Variants in NCOA2 observed in about 807,000 individuals in gnomAD.
NCOA2 encodes nuclear receptor coactivator 2.
In NCOA2, 21 loss-of-function variants were observed where a neutral mutation model predicts 145.1. The ratio of observed to expected loss-of-function variants is 0.14; its 90% CI spans 0.10 to 0.21. The LOEUF (loss-of-function observed/expected upper bound fraction) is 0.21. Ranked by LOEUF, NCOA2 falls within the 10% of genes least tolerant of loss-of-function variation. The pLI, the probability that NCOA2 is intolerant of heterozygous loss-of-function variation, is 1.00. For synonymous variants in NCOA2, 619 were observed against 637.5 expected, an observed-to-expected ratio of 0.97 and a Z score of 0.44; for missense variants, 1,472 against 1,837.6, an observed-to-expected ratio of 0.80 and a Z score of 3.64.
intron 1 of NCOA2, among the ~76,000 whole-genome samples, chr8:70,396,310 T>C (rs1162570028): frequency 6.6e-6 from 1 of 152,256 alleles, no homozygotes; most frequent in Non-Finnish European, 1.5e-5. Context: ...TCAAGTTTTC[T>C]TGAGCTTTAT....
At chr8:70,208,487 T>C (rs893690112) in intron 4 of NCOA2, among the ~76,000 whole-genome samples, 15 of 152,210 alleles carry the variant, frequency 9.9e-5, no homozygotes, top group African/African-American at 3.4e-4. Flanking sequence ...ATTTTCAATG[T>C]AGACAAAAAA....
chr8:70,119,562 T>C (rs1807546281), intron 22 of NCOA2, among the ~76,000 whole-genome samples: 1 of 152,220 alleles, frequency 6.6e-6, no homozygotes, highest in African/African-American at 2.4e-5. Flanking sequence ...CTTTCTTCCT[T>C]TGGGTAGAAA....
chr8:70,319,932 T>C (rs1419198793), intron 1 of NCOA2, among the ~76,000 whole-genome samples: 7 of 152,218 alleles, frequency 4.6e-5, no homozygotes, highest in African/African-American at 1.2e-4. Context: ...TCTTTGCTTC[T>C]GTGATATTTT....
intron 1 of NCOA2, among the ~76,000 whole-genome samples, chr8:70,371,524 A>G (rs1811215494): frequency 6.6e-6 from 1 of 152,118 alleles, no homozygotes. Context: ...GATTTTATGG[A>G]AAAAAAGGAC....
At chr8:70,116,660 T>G (rs1307918906) in intron 22 of NCOA2, among the ~76,000 whole-genome samples, 2 of 152,218 alleles carry the variant, frequency 1.3e-5, no homozygotes, top group African/African-American at 4.8e-5. Context: ...AGTAGCACAG[T>G]GACAAATCCA....
At chr8:70,139,644 CTTTTTT>C (rs911504754) in intron 14 of NCOA2, among the ~76,000 whole-genome samples, 4 of 91,856 alleles carry the variant, frequency 4.4e-5, no homozygotes, top group African/African-American at 1.0e-4. Context: ...CGCTGGCCAT[CTTTTTT>C]TTTTTTTTTT....
intron 12 of NCOA2, among the ~76,000 whole-genome samples, chr8:70,147,699 C>T (rs1328523900): frequency 1.3e-5 from 2 of 152,112 alleles, no homozygotes; most frequent in East Asian, 1.9e-4. Flanking sequence ...CATTTAGAAA[C>T]GTAAAGTTCC....
At chr8:70,161,065 C>A (rs1812946083) in intron 9 of NCOA2, among the ~76,000 whole-genome samples, 1 of 152,198 alleles carries the variant, frequency 6.6e-6, no homozygotes, top group African/African-American at 2.4e-5. Context: ...GAGCACGCAC[C>A]TGAACACATT....
At chr8:70,317,132 G>C (rs1211985916) in intron 1 of NCOA2, among the ~76,000 whole-genome samples, 1 of 152,198 alleles carries the variant, frequency 6.6e-6, no homozygotes, top group Non-Finnish European at 1.5e-5. Context: ...GCAATGAGTG[G>C]CTATGATTGC....
At chr8:70,149,540 T>C (rs1446653319) in intron 11 of NCOA2, among the ~76,000 whole-genome samples, 3 of 150,928 alleles carry the variant, frequency 2.0e-5, no homozygotes, top group Non-Finnish European at 4.4e-5. Context: ...CGTGCCTGTC[T>C]ACAGAAGCCA....
intron 1 of NCOA2, among the ~76,000 whole-genome samples, chr8:70,310,281 T>C (rs1453913086): frequency 6.8e-6 from 1 of 147,798 alleles, no homozygotes; most frequent in Admixed American, 6.8e-5. Flanking sequence ...GAGGCAGAGG[T>C]TGCAGTGAGC....
At chr8:70,327,641 A>C (rs1806711605) in intron 1 of NCOA2, among the ~76,000 whole-genome samples, 2 of 152,224 alleles carry the variant, frequency 1.3e-5, no homozygotes, top group Non-Finnish European at 2.9e-5. Context: ...ACTACTAATC[A>C]AAACACTCCA....
intron 4 of NCOA2, among the ~76,000 whole-genome samples, chr8:70,201,993 T>C (rs971503835): frequency 2.0e-5 from 3 of 152,204 alleles, no homozygotes; most frequent in Non-Finnish European, 2.9e-5. Flanking sequence ...TATTCAGTGA[T>C]AAATATTATG....
At chr8:70,129,966 A>G (rs1016353071) in intron 16 of NCOA2, among the ~76,000 whole-genome samples, 6 of 152,162 alleles carry the variant, frequency 3.9e-5, no homozygotes, top group African/African-American at 1.4e-4. Context: ...CACCACGCCC[A>G]GCCTCAAGTT....
At chr8:70,450,746 C>A in the NCOA2 span, among the ~76,000 whole-genome samples, 1 of 150,810 alleles carries the variant, frequency 6.6e-6, no homozygotes, top group Non-Finnish European at 1.5e-5. Flanking sequence ...CTCCTGGGTA[C>A]TTTTTGTATT....
intron 2 of NCOA2, among the ~76,000 whole-genome samples, chr8:70,288,528 C>T (rs188043482): frequency 2.6e-5 from 4 of 151,372 alleles, no homozygotes; most frequent in Admixed American, 6.6e-5. Context: ...TTGCAGTGAG[C>T]GGAGATTGCG....
chr8:70,379,025 C>G (rs1811939217), intron 1 of NCOA2, among the ~76,000 whole-genome samples: 1 of 152,130 alleles, frequency 6.6e-6, no homozygotes, highest in African/African-American at 2.4e-5. Flanking sequence ...TGATGCCTTC[C>G]TCTCCTGAAG....
intron 2 of NCOA2, among the ~76,000 whole-genome samples, chr8:70,288,163 C>T (rs565264540): frequency 1.3e-5 from 2 of 152,286 alleles, no homozygotes; most frequent in South Asian, 2.1e-4. Context: ...AGGCTTAGAA[C>T]ACTACTTGGC....
At chr8:70,257,502 T>C (rs1206928914) in intron 2 of NCOA2, among the ~76,000 whole-genome samples, 3 of 152,146 alleles carry the variant, frequency 2.0e-5, no homozygotes. Flanking sequence ...TGTAAGATGA[T>C]GATAAGCACT....
Sources: gnomAD v4.1 joint callset for allele counts (sites outside exome capture counted in the v4.1 genomes callset) on GRCh38, gnomAD v4.1.1 for gene constraint, MANE v1.5 for transcripts, NCBI Gene and HGNC (gene_info 2026-07-23, HGNC 2026-07-21) for gene names.